Variants in SHROOM2 observed in about 807,000 individuals in gnomAD.
The protein encoded by SHROOM2 is shroom family member 2.
Under a neutral mutation model 75.9 loss-of-function variants are expected in SHROOM2, and 33 were observed. That is an observed-to-expected ratio of 0.43 (90% CI 0.33 to 0.58). The LOEUF (loss-of-function observed/expected upper bound fraction) is 0.58. Ranked by LOEUF, SHROOM2 falls within the 20% of genes least tolerant of loss-of-function variation. SHROOM2 has a pLI of 0.04. For synonymous variants in SHROOM2, 655 were observed against 663.6 expected (o/e 0.99, Z 0.20); for missense variants, 1,434 against 1,461.2 (o/e 0.98, Z 0.30).
At chrX:9,818,508 C>T in intron 1 of SHROOM2, 1 of 275,564 alleles carries the variant, frequency 3.6e-6, no homozygotes, top group African/African-American at 2.8e-5. Flanking sequence ...TCATACATCT[C>T]CTTCAAGATA....
chrX:9,838,204 G>C (rs1406084510), intron 1 of SHROOM2, among the ~76,000 whole-genome samples: 2 of 108,841 alleles, frequency 1.8e-5, no homozygotes, highest in Non-Finnish European at 3.8e-5. Flanking sequence ...GGGACTACAG[G>C]TGCCCGCCAC....
chrX:9,906,376 G>A (rs2084391225), intron 5 of SHROOM2, among the ~76,000 whole-genome samples: 1 of 111,927 alleles, frequency 8.9e-6, no homozygotes, highest in African/African-American at 3.2e-5. Flanking sequence ...GGTGACTGCT[G>A]TGATATACTA....
chrX:9,863,758 CTTT>C (rs2084117873), intron 1 of SHROOM2, among the ~76,000 whole-genome samples: 1 of 110,052 alleles, frequency 9.1e-6, no homozygotes. Context: ...TCCTGAGGAG[CTTT>C]TTTGTATTGT....
intron 1 of SHROOM2, among the ~76,000 whole-genome samples, chrX:9,819,808 T>C (rs1227370303): frequency 1.9e-5 from 2 of 105,477 alleles, no homozygotes; most frequent in Admixed American, 1.0e-4. Context: ...TTTTTTTTTT[T>C]CTTGAGAGGG....
chrX:9,903,687 G>T lies in SHROOM2; in HGVS notation c.2891+5397G>T, dbSNP rs769986376. ...GCCTCTGGAGTAGCTGGGACTATAG[G>T]TGCACACCACCATGCCAGCTAATGT... On this transcript the variant is annotated intron_variant, in intron 5 of 9. Transcript: ENST00000380913. Among the ~76,000 whole-genome samples the T allele has an allele frequency of 2.9e-3, 323 of 110,886 alleles. 3 individuals carry two copies. Among genetic ancestry groups the T allele is most frequent in the African/African-American group, 0.01 (305 of 30,459 alleles).
At position 9,815,434 on chromosome X, in the gene SHROOM2, ATGTGTGTGTGTGTGTGTGTG is replaced by A. The variant is rs56223508; in HGVS notation, c.165+28752_165+28771del. Among the ~76,000 whole-genome samples, 224 of 88,707 alleles carry A rather than the reference ATGTGTGTGTGTGTGTGTGTG, an allele frequency of 2.5e-3. 1 individual carries two copies. The highest frequency in any genetic ancestry group is 8.4e-3 in the African/African-American group (201 of 23,899). The allele number at this position is 88,707 out of a possible 115,157, so 77.0% of individuals were successfully genotyped here. On this transcript the variant is annotated intron_variant, in intron 1 of 9. Transcript: ENST00000380913. ...AACTAATAGGATAGATATACATATT[ATGTGTGTGTGTGTGTGTGTG>A]TGTGTGTGTGTGTGTGTGTGTGTGT...
chrX:9,895,146 C>A lies in SHROOM2; in HGVS notation c.1238C>A (p.Ser413Tyr). The change falls in exon 4 of 10, where the codon TCC (serine) becomes TAC (tyrosine). Residue 413 changes from serine to tyrosine, a missense_variant. Transcript: ENST00000380913. ...TCCAGTAGGCTGCAGGCCTCTCTGT[C>A]CAGCTCAGATGTGCGCTTCCCTCAG... is the stretch of plus-strand genomic sequence containing the variant. ...GASSRLQASL[S>Y]SSDVRFPQSP... The A allele has an allele frequency of 1.7e-6, 2 of 1,208,900 alleles. No individual in the cohort carries two copies. The highest frequency in any genetic ancestry group is 1.1e-6 in the Non-Finnish European group (1 of 895,231).
chrX:9,873,457 A>G (rs983036308), intron 1 of SHROOM2, among the ~76,000 whole-genome samples, 195 bp from the exon 2 acceptor site: 1 of 111,562 alleles, frequency 9.0e-6, no homozygotes, highest in African/African-American at 3.3e-5. Context: ...CCCTGGATAA[A>G]CAGGAGTCGT....
Position 9,891,716 on chromosome X carries a change from G to A in SHROOM2, c.449+608G>A, listed in dbSNP as rs773739268. 8.9e-4 allele frequency among the ~76,000 whole-genome samples: 99 copies of A among 110,844 alleles called. 1 individual carries two copies. The highest frequency in any genetic ancestry group is 1.4e-3 in the Non-Finnish European group (72 of 52,861). ...TGAGTGTGCATGTGTATTTCTACAC[G>A]TTTGTGTGTGTGTGTCTTTGTATGT... On this transcript the variant is annotated intron_variant, in intron 3 of 9. Coordinates refer to ENST00000380913, the MANE Select transcript of SHROOM2 (RefSeq NM_001649.4).
In SHROOM2 at chrX:9,787,338, T is replaced by TG. The variant is rs1569131222; in HGVS notation, c.165+628_165+629insG. On this transcript the variant is annotated intron_variant, in intron 1 of 9. Transcript: ENST00000380913. ...TTCCAGATGTATCTCATCAGGAATGTTGTGTGTGTGTGTGTGGTTTGCTTT... is the reference window on the plus strand; with the variant it reads ...TTCCAGATGTATCTCATCAGGAATGTGTGTGTGTGTGTGTGTGGTTTGCTTT... 4.9e-3 allele frequency among the ~76,000 whole-genome samples: 535 copies of TG among 108,819 alleles called. 2 individuals are homozygous for TG. Among genetic ancestry groups the TG allele is most frequent in the African/African-American group, 0.017 (505 of 30,049 alleles). The allele number at this position is 108,819 out of a possible 115,157, so 94.5% of individuals were successfully genotyped here.
intron 1 of SHROOM2, among the ~76,000 whole-genome samples, chrX:9,854,356 G>A (rs1289341705): frequency 2.7e-5 from 3 of 111,490 alleles, no homozygotes; most frequent in Admixed American, 1.9e-4. Context: ...AAGGGGTGTC[G>A]GGATGGCTCT....
chrX:9,912,668 C>G (rs748936293), intron 5 of SHROOM2: 19 of 111,766 alleles, frequency 1.7e-4, no homozygotes, highest in African/African-American at 6.2e-4. Flanking sequence ...AGGACGCCTG[C>G]GCCGTTTGTT....
chrX:9,821,681 A>G (rs1291911673), intron 1 of SHROOM2, among the ~76,000 whole-genome samples: 1 of 112,395 alleles, frequency 8.9e-6, no homozygotes, highest in Non-Finnish European at 1.9e-5. Context: ...GGGTTGAGAA[A>G]TATACCGTAT....
At chrX:9,934,268 C>T (rs1339526690) in intron 6 of SHROOM2, among the ~76,000 whole-genome samples, 2 of 111,741 alleles carry the variant, frequency 1.8e-5, no homozygotes, top group East Asian at 5.6e-4. Context: ...ATTCCCATCG[C>T]CGCAGAAAAT....
rs2084316676 is a variant in SHROOM2 at position 9,894,962 on chromosome X, C to T, written c.1054C>T (p.Leu352=). ...EAAAAQHFTA[L]AQAQPRGDRR... is the part of the protein sequence containing the mutation. ...GGCTGCGGCACAGCACTTTACGGCCCTGGCCCAGGCTCAGCCTCGTGGTGA... is the reference window on the plus strand; with the variant it reads ...GGCTGCGGCACAGCACTTTACGGCCTTGGCCCAGGCTCAGCCTCGTGGTGA... Residue 352 remains leucine (L), a synonymous_variant, in exon 4 of 10, where the codon CTG becomes TTG. Coordinates refer to ENST00000380913, the MANE Select transcript of SHROOM2 (RefSeq NM_001649.4). 1 of 1,209,333 alleles carries T rather than the reference C, an allele frequency of 8.3e-7. No homozygotes were observed. The highest frequency in any genetic ancestry group is 1.7e-5 in the African/African-American group (1 of 57,340).
intron 1 of SHROOM2, among the ~76,000 whole-genome samples, chrX:9,813,486 T>A (rs2083802590): frequency 9.0e-6 from 1 of 111,401 alleles, no homozygotes; most frequent in Admixed American, 9.6e-5. Context: ...CAATGCACAG[T>A]TACCCTGGCT....
chrX:9,838,311 C>G (rs1010838958), intron 1 of SHROOM2, among the ~76,000 whole-genome samples: 1 of 110,350 alleles, frequency 9.1e-6, no homozygotes, highest in Non-Finnish European at 1.9e-5. Flanking sequence ...CCACCCGCTT[C>G]GGCCTCCCAA....
chrX:9,843,889 A>G (rs1034157368), intron 1 of SHROOM2, among the ~76,000 whole-genome samples: 2 of 112,699 alleles, frequency 1.8e-5, no homozygotes, highest in Non-Finnish European at 3.7e-5. Context: ...TTTTGCAAAG[A>G]AGACCACAGA....
At chrX:9,934,843 G>T (rs2084684846) in intron 6 of SHROOM2, among the ~76,000 whole-genome samples, 1 of 111,426 alleles carries the variant, frequency 9.0e-6, no homozygotes, top group Admixed American at 9.6e-5. Context: ...AGGCTGGAGT[G>T]CAGTGGTGCG....
Sources: gnomAD v4.1 joint callset for allele counts (sites outside exome capture counted in the v4.1 genomes callset) on GRCh38, gnomAD v4.1.1 for gene constraint, MANE v1.5 for transcripts, NCBI Gene and HGNC (gene_info 2026-07-23, HGNC 2026-07-21) for gene names.